SELP: variants seen among roughly 807,000 people sequenced by gnomAD.
SELP encodes the protein selectin P.
In SELP, 92 loss-of-function variants were observed where a neutral mutation model predicts 104.1. The observed-to-expected ratio is 0.88, with a 90% CI of 0.75 to 1.05. SELP has a LOEUF of 1.05. SELP is among the 50% of genes least tolerant of loss of function. SELP has a pLI of 0.00. For synonymous variants in SELP, 397 were observed against 364.5 expected, an observed-to-expected ratio of 1.09 and a Z score of -1.01; for missense variants, 1,022 against 1,017.3, an observed-to-expected ratio of 1.00 and a Z score of -0.06.
chr1:169,598,022 AAACCCAAGAATGATTCATCCTTG>A (rs1295257587), intron 10 of SELP, among the ~76,000 whole-genome samples: 37 of 152,296 alleles, frequency 2.4e-4, no homozygotes, highest in Non-Finnish European at 4.4e-4. Flanking sequence ...AAAGTGTCTA[AAACCCAAGAATGATTCATCCTTG>A]AGTCTTCCAT....
At chr1:169,629,122 A>C (rs1463084319) in intron 1 of SELP, among the ~76,000 whole-genome samples, 1 of 152,226 alleles carries the variant, frequency 6.6e-6, no homozygotes, top group Non-Finnish European at 1.5e-5. Flanking sequence ...AAGTCTGAGG[A>C]AAATTGGAAG....
In SELP at chr1:169,608,313, T is replaced by A. The variant is rs911379792; in HGVS notation, c.1334-1179A>T. 2.0e-5 allele frequency among the ~76,000 whole-genome samples: 3 copies of A among 152,184 alleles called. No homozygotes were observed. The East Asian group carries it at 5.8e-4, about 29-fold the overall frequency. ...CACCATTATTCATCTCCAAAACTCT[T>A]TTCATCATCTCAAACTGAAACTCCG... On this transcript the variant is annotated intron_variant, in intron 8 of 16. Transcript: ENST00000263686.
intron 3 of SELP, among the ~76,000 whole-genome samples, chr1:169,616,110 C>G (rs1662793962): frequency 6.6e-6 from 1 of 152,144 alleles, no homozygotes; most frequent in Non-Finnish European, 1.5e-5. Flanking sequence ...GGAATGTCTG[C>G]TTACTCTGGC....
At chr1:169,601,609 A>T (rs1223686975) in intron 10 of SELP, among the ~76,000 whole-genome samples, 1 of 152,238 alleles carries the variant, frequency 6.6e-6, no homozygotes, top group Non-Finnish European at 1.5e-5. Flanking sequence ...AGTGGAAAAG[A>T]GTAAATTCAC....
chr1:169,594,962 C>T, intron 12 of SELP, 85 bp from the exon 13 acceptor site: 2 of 1,239,108 alleles, frequency 1.6e-6, no homozygotes, highest in Middle Eastern at 4.6e-4. Flanking sequence ...CTAACATTGC[C>T]AATAAATGAG....
chr1:169,613,780 C>G, intron 3 of SELP, 87 bp from the exon 4 acceptor site: 3 of 1,081,730 alleles, frequency 2.8e-6, no homozygotes, highest in Non-Finnish European at 4.3e-6. Context: ...GACTCATCCC[C>G]TCTCAGATAG....
intron 9 of SELP, among the ~76,000 whole-genome samples, chr1:169,606,235 T>G (rs1341656912): frequency 1.3e-5 from 2 of 152,220 alleles, no homozygotes; most frequent in African/African-American, 4.8e-5. Flanking sequence ...GAGAATTGCT[T>G]GAACCCGGGA....
intron 7 of SELP, among the ~76,000 whole-genome samples, chr1:169,611,258 G>T (rs780142173): frequency 2.0e-5 from 3 of 152,104 alleles, no homozygotes; most frequent in Non-Finnish European, 4.4e-5. Context: ...TCTATGCTAG[G>T]TACTTTATAC....
At chr1:169,594,469 G>A (rs1661497014) in intron 13 of SELP, among the ~76,000 whole-genome samples, 1 of 152,132 alleles carries the variant, frequency 6.6e-6, no homozygotes, top group African/African-American at 2.4e-5. Flanking sequence ...TTCACAAACT[G>A]AACACTGAAG....
At chr1:169,625,520 G>T (rs139273114) in intron 1 of SELP, among the ~76,000 whole-genome samples, 2 of 152,244 alleles carry the variant, frequency 1.3e-5, no homozygotes, top group East Asian at 3.9e-4. Context: ...ATTTAAATGC[G>T]CAACAAACAT....
intron 3 of SELP, among the ~76,000 whole-genome samples, chr1:169,615,880 TTAAAATC>T (rs1662782895): frequency 6.6e-6 from 1 of 152,150 alleles, no homozygotes; most frequent in African/African-American, 2.4e-5. Context: ...GGAGAGGTGT[TTAAAATC>T]TAAAGAATTC....
At chr1:169,606,535 A>G (rs143659199) in intron 9 of SELP, among the ~76,000 whole-genome samples, 1 of 151,858 alleles carries the variant, frequency 6.6e-6, no homozygotes, top group East Asian at 1.9e-4. Flanking sequence ...CCATTTTACC[A>G]TTATACCCTG....
intron 9 of SELP, among the ~76,000 whole-genome samples, 185 bp downstream of exon 9, chr1:169,606,764 C>T (rs2101893234): frequency 6.6e-6 from 1 of 152,276 alleles, no homozygotes; most frequent in East Asian, 1.9e-4. Flanking sequence ...TGTAATCTGC[C>T]TATCCCCCGG....
chr1:169,611,192 C>T (rs1662513553), intron 7 of SELP, among the ~76,000 whole-genome samples: 1 of 152,158 alleles, frequency 6.6e-6, no homozygotes, highest in South Asian at 2.1e-4. Flanking sequence ...GCTCCCAACT[C>T]CCTCTCAAGT....
intron 3 of SELP, among the ~76,000 whole-genome samples, chr1:169,615,576 TAA>T (rs1662770606): frequency 6.6e-6 from 1 of 152,132 alleles, no homozygotes; most frequent in South Asian, 2.1e-4. Flanking sequence ...GGTTATCTGA[TAA>T]GAGATAATTC....
At chr1:169,624,481 G>A (rs1420006586) in intron 1 of SELP, among the ~76,000 whole-genome samples, 1 of 152,148 alleles carries the variant, frequency 6.6e-6, no homozygotes, top group African/African-American at 2.4e-5. Flanking sequence ...CTGGTGCAGT[G>A]GCTCATGCCT....
At chr1:169,593,510 AGTT>A (rs1023277405) in intron 14 of SELP, 92 bp downstream of exon 14, 18 of 973,342 alleles carry the variant, frequency 1.8e-5, no homozygotes, top group African/African-American at 1.8e-4. Context: ...GAACTACTGA[AGTT>A]GTGGTTTTTG....
Position 169,612,201 on chromosome 1 carries a change from A to C in SELP, c.961+16T>G. On this transcript the variant is annotated intron_variant, in intron 6 of 16. Coordinates refer to ENST00000263686, the MANE Select transcript of SELP (RefSeq NM_003005.4). ...GGTGCAATGGACATTATACATCCCA[A>C]CTACCTGAAACTCACCTTTACACAC... The C allele has an allele frequency of 6.2e-7, 1 of 1,612,050 alleles. No homozygotes were observed. Among genetic ancestry groups the C allele is most frequent in the Non-Finnish European group, 8.5e-7 (1 of 1,179,012 alleles).
intron 3 of SELP, among the ~76,000 whole-genome samples, chr1:169,616,752 T>C (rs1662832021): frequency 6.6e-6 from 1 of 152,148 alleles, no homozygotes; most frequent in African/African-American, 2.4e-5. Flanking sequence ...CTTGAGAAAC[T>C]AAAACCTCGT....
Sources: allele counts gnomAD v4.1 joint callset (sites outside exome capture counted in the v4.1 genomes callset), GRCh38; gene constraint gnomAD v4.1.1; transcripts MANE v1.5; gene names NCBI Gene and HGNC (gene_info 2026-07-23, HGNC 2026-07-21).